The following ERI1 variants were observed in gnomAD, a reference collection of about 807,000 sequenced individuals.
ERI1 encodes exoribonuclease 1.
A neutral mutation model predicts 39.7 loss-of-function variants in ERI1; 39 were observed. The ratio of observed to expected loss-of-function variants is 0.98; its 90% CI spans 0.76 to 1.28. The LOEUF is 1.28. Among genes scored for constraint, ERI1 ranks in the 50% most tolerant of loss-of-function variants. The pLI is 0.00. For missense variants in ERI1, 581 were observed against 416.9 expected (o/e 1.39, Z -3.43); for synonymous variants, 204 against 149.6 (o/e 1.36, Z -2.65).
At chr8:9,009,504 A>C (rs752343373) in intron 2 of ERI1, among the ~76,000 whole-genome samples, 1 of 152,098 alleles carries the variant, frequency 6.6e-6, no homozygotes, top group Non-Finnish European at 1.5e-5. Context: ...TGTGCAACCA[A>C]AGTTATAGGA....
chr8:9,058,688 G>T (rs1798589951), intron 3 of ERI1, among the ~76,000 whole-genome samples: 1 of 152,122 alleles, frequency 6.6e-6, no homozygotes, highest in Admixed American at 6.6e-5. Flanking sequence ...GCAACCATGT[G>T]TGGATCTTAT....
chr8:9,005,144 T>C (rs760405324), intron 1 of ERI1, among the ~76,000 whole-genome samples: 3 of 152,226 alleles, frequency 2.0e-5, no homozygotes, highest in Non-Finnish European at 4.4e-5. Flanking sequence ...AGAACTCTCC[T>C]TTTGGAAGAA....
chr8:9,049,289 G>A (rs1030394792), intron 3 of ERI1, among the ~76,000 whole-genome samples: 3 of 119,682 alleles, frequency 2.5e-5, no homozygotes, highest in African/African-American at 9.6e-5. Context: ...TGAGCCGAGA[G>A]CACGCCACTG....
intron 3 of ERI1, chr8:9,049,823 A>G (rs916904050): frequency 1.3e-5 from 2 of 152,206 alleles, no homozygotes; most frequent in Admixed American, 6.5e-5. Context: ...ATCAACGGAG[A>G]GATAACCTAG....
chr8:9,024,543 C>T (rs1818271757), intron 6 of ERI1, among the ~76,000 whole-genome samples: 1 of 152,228 alleles, frequency 6.6e-6, no homozygotes, highest in Non-Finnish European at 1.5e-5. Context: ...GCCTCAGCGT[C>T]TCAAGTAGCT....
chr8:9,024,762 A>G (rs1221950789), intron 6 of ERI1, among the ~76,000 whole-genome samples: 1 of 152,170 alleles, frequency 6.6e-6, no homozygotes. Context: ...ATGCATTACA[A>G]TGCTGTTGTT....
chr8:9,011,255 G>T (rs1260295308), intron 2 of ERI1, among the ~76,000 whole-genome samples: 2 of 152,122 alleles, frequency 1.3e-5, no homozygotes, highest in African/African-American at 4.8e-5. Context: ...TATGCTGACA[G>T]TGTTTATGGT....
At chr8:9,051,657 C>CA (rs11439065) in intron 3 of ERI1, among the ~76,000 whole-genome samples, 48,713 of 140,926 alleles carry the variant, frequency 0.35, 8,571 homozygotes, top group African/African-American at 0.4. Context: ...GACCCTGTCT[C>CA]AAAAAAAAAA....
At chr8:9,023,279 G>T (rs1482433713) in intron 6 of ERI1, among the ~76,000 whole-genome samples, 2 of 151,912 alleles carry the variant, frequency 1.3e-5, no homozygotes, top group East Asian at 1.9e-4. Flanking sequence ...TCATATCCTG[G>T]AATGTGGTTT....
intron 3 of ERI1, among the ~76,000 whole-genome samples, chr8:9,083,974 T>G (rs1347488238): frequency 1.3e-5 from 2 of 152,180 alleles, no homozygotes; most frequent in East Asian, 3.9e-4. Flanking sequence ...TTTGTATTTT[T>G]AGTAGAGACG....
chr8:9,064,309 G>A (rs984787822), intron 3 of ERI1, among the ~76,000 whole-genome samples: 6 of 151,860 alleles, frequency 4.0e-5, no homozygotes, highest in South Asian at 2.1e-4. Flanking sequence ...GAGTTGGGGG[G>A]TTCTTGCACC....
At chr8:9,019,588 T>C (rs1351997378) in intron 5 of ERI1, among the ~76,000 whole-genome samples, 1 of 152,152 alleles carries the variant, frequency 6.6e-6, no homozygotes, top group Non-Finnish European at 1.5e-5. Context: ...CCATTAATAA[T>C]TTGGCAGCCC....
intron 3 of ERI1, among the ~76,000 whole-genome samples, chr8:9,097,263 T>G (rs1799906538): frequency 6.6e-6 from 1 of 152,190 alleles, no homozygotes. Context: ...TGATTTTCTG[T>G]TTTTTATTCA....
intron 3 of ERI1, among the ~76,000 whole-genome samples, chr8:9,062,308 G>A (rs1162567915): frequency 3.3e-5 from 5 of 151,962 alleles, no homozygotes; most frequent in African/African-American, 9.7e-5. Context: ...TACGAGAGGA[G>A]AATGCGAAGG....
chr8:9,034,098 C>T (rs1192002674), downstream of ERI1, among the ~76,000 whole-genome samples: 2 of 152,222 alleles, frequency 1.3e-5, no homozygotes, highest in African/African-American at 4.8e-5. Flanking sequence ...TATAATGACA[C>T]AGAGGCTAAA....
At chr8:9,025,669 C>G (rs920696679) in intron 6 of ERI1, among the ~76,000 whole-genome samples, 8 of 151,226 alleles carry the variant, frequency 5.3e-5, no homozygotes, top group African/African-American at 1.9e-4. Context: ...TTTTTGGGCA[C>G]TCTCTAGGAC....
chr8:9,038,172 A>G (rs1169929440), downstream of ERI1, among the ~76,000 whole-genome samples: 1 of 152,238 alleles, frequency 6.6e-6, no homozygotes, highest in Non-Finnish European at 1.5e-5. Context: ...TCTGCATAGA[A>G]AATACATAAA....
chr8:9,057,429 C>T (rs1273066910), intron 3 of ERI1, among the ~76,000 whole-genome samples: 1 of 152,222 alleles, frequency 6.6e-6, no homozygotes, highest in African/African-American at 2.4e-5. Context: ...CAACTCCAAT[C>T]GCCACCTAGA....
intron 2 of ERI1, 107 bp downstream of exon 2, chr8:9,008,255 A>G (rs984969619): frequency 5.0e-6 from 5 of 1,001,810 alleles, no homozygotes; most frequent in South Asian, 4.0e-5. Flanking sequence ...CCGTAATGAC[A>G]TGATCCTATT....
Sources: gnomAD v4.1 joint callset for allele counts (sites outside exome capture counted in the v4.1 genomes callset) on GRCh38, gnomAD v4.1.1 for gene constraint, MANE v1.5 for transcripts, NCBI Gene and HGNC (gene_info 2026-07-23, HGNC 2026-07-21) for gene names.